SLC25A48: variants seen among roughly 807,000 people sequenced by gnomAD.
The protein encoded by SLC25A48 is CTC-321K16.1.
Under a neutral mutation model 32.2 loss-of-function variants are expected in SLC25A48, and 29 were observed. The observed-to-expected ratio is 0.90, with a 90% CI of 0.67 to 1.23. SLC25A48 has a LOEUF of 1.23. Ranked by LOEUF, SLC25A48 falls within the 50% of genes most tolerant of loss-of-function variation. SLC25A48 has a pLI of 0.00. For synonymous variants in SLC25A48, 164 were observed against 172.3 expected, an observed-to-expected ratio of 0.95 and a Z score of 0.38; for missense variants, 399 against 422.7, an observed-to-expected ratio of 0.94 and a Z score of 0.49.
chr5:135,612,903 A>G (rs982346680), intron 1 of SLC25A48, among the ~76,000 whole-genome samples: 12 of 152,180 alleles, frequency 7.9e-5, no homozygotes, highest in African/African-American at 2.9e-4. Context: ...TATCCCTTTG[A>G]TATACTGATT....
At chr5:135,792,207 T>C (rs1757048865) in intron 3 of SLC25A48, among the ~76,000 whole-genome samples, 1 of 151,866 alleles carries the variant, frequency 6.6e-6, no homozygotes, top group Admixed American at 6.6e-5. Context: ...CGTTATGTTA[T>C]TCCTAATAAC....
intron 3 of SLC25A48, among the ~76,000 whole-genome samples, chr5:135,643,740 C>T (rs753544978): frequency 9.9e-5 from 15 of 152,166 alleles, no homozygotes; most frequent in Non-Finnish European, 2.1e-4. Flanking sequence ...TAGTGAGCAG[C>T]GACCCCGTTA....
intron 4 of SLC25A48, among the ~76,000 whole-genome samples, chr5:135,868,748 T>G (rs144539080): frequency 0.014 from 2,134 of 152,114 alleles, 44 homozygotes; most frequent in African/African-American, 0.048. Context: ...AAGGATAAGT[T>G]TGGGTCTTGT....
At chr5:135,838,860 C>T (rs1758760158) in intron 1 of SLC25A48, among the ~76,000 whole-genome samples, 1 of 152,208 alleles carries the variant, frequency 6.6e-6, no homozygotes, top group South Asian at 2.1e-4. Flanking sequence ...GGGGTGGGGC[C>T]CTCATGGAGA....
At chr5:135,657,920 C>T (rs1171802830) in intron 3 of SLC25A48, among the ~76,000 whole-genome samples, 1 of 152,188 alleles carries the variant, frequency 6.6e-6, no homozygotes, top group African/African-American at 2.4e-5. Context: ...AAATCTGCCC[C>T]TATAATCTAA....
chr5:135,742,409 G>A (rs952732711), intron 3 of SLC25A48: 9 of 1,349,404 alleles, frequency 6.7e-6, no homozygotes, highest in African/African-American at 3.0e-5. Flanking sequence ...TAGCCATCAC[G>A]ACCCTCAGAT....
At chr5:135,753,952 C>T (rs548926143) in intron 3 of SLC25A48, among the ~76,000 whole-genome samples, 4 of 152,042 alleles carry the variant, frequency 2.6e-5, no homozygotes, top group African/African-American at 4.8e-5. Flanking sequence ...GTGACTTTAG[C>T]AGTCATATTT....
chr5:135,730,156 A>ATG (rs1218538725), intron 3 of SLC25A48, among the ~76,000 whole-genome samples: 2 of 152,296 alleles, frequency 1.3e-5, no homozygotes, highest in African/African-American at 4.8e-5. Flanking sequence ...CTTTTTCTTT[A>ATG]TGACTATTCT....
intron 2 of SLC25A48, among the ~76,000 whole-genome samples, chr5:135,634,175 G>C (rs1020554979): frequency 8.5e-5 from 13 of 152,230 alleles, no homozygotes; most frequent in African/African-American, 1.2e-4. Context: ...GGGGTGCTGT[G>C]TGTGCTTGGC....
At chr5:135,606,609 G>A (rs548898045) in intron 1 of SLC25A48, among the ~76,000 whole-genome samples, 27 of 152,258 alleles carry the variant, frequency 1.8e-4, no homozygotes, top group South Asian at 1.7e-3. Flanking sequence ...CCTGTCTAAT[G>A]AGTGGCAGAC....
rs77355080 is a variant in SLC25A48, at chr5:135,857,098, G to A, written c.421+4277G>A. ...CTGTTGGGGGCCCTCACCCAGCTGG[G>A]ACGCCAAGGGAGGTGTTTCCCAATA... On this transcript the variant is annotated intron_variant, in intron 4 of 7. Transcript: ENST00000681962. 4.1e-4 allele frequency among the ~76,000 whole-genome samples: 63 copies of A among 152,348 alleles called. 1 individual carries two copies. In the East Asian group the frequency reaches 0.01, roughly 25 times the overall value.
Position 135,689,498 on chromosome 5 carries a change from C to G in SLC25A48, c.-521+54542C>G, listed in dbSNP as rs534694097. 2.1e-3 allele frequency among the ~76,000 whole-genome samples: 316 copies of G among 152,250 alleles called. 1 individual carries two copies. The highest frequency in any genetic ancestry group is 7.2e-3 in the African/African-American group (300 of 41,546). ...AAGTGTCTAAAGTAAAAGAAAGGGCCTTGAGAGCTGAAGAGCTGGATGTGC... is the reference window on the plus strand; with the variant it reads ...AAGTGTCTAAAGTAAAAGAAAGGGCGTTGAGAGCTGAAGAGCTGGATGTGC... On this transcript the variant is annotated intron_variant, in intron 3 of 10. Transcript: ENST00000646290.
intron 1 of SLC25A48, among the ~76,000 whole-genome samples, chr5:135,591,586 A>T (rs896614699): frequency 6.6e-6 from 1 of 152,220 alleles, no homozygotes; most frequent in Non-Finnish European, 1.5e-5. Context: ...CGCTTGCTCC[A>T]GCCTACGCAG....
chr5:135,769,001 G>A (rs1756325238), intron 3 of SLC25A48, among the ~76,000 whole-genome samples: 1 of 151,336 alleles, frequency 6.6e-6, no homozygotes, highest in African/African-American at 2.4e-5. Context: ...TATTTCAGGG[G>A]GTGTACACAC....
upstream of SLC25A48, among the ~76,000 whole-genome samples, chr5:135,834,004 C>T (rs1758310709): frequency 6.6e-6 from 1 of 152,214 alleles, no homozygotes; most frequent in Admixed American, 6.5e-5. Flanking sequence ...CTGCTGGAAA[C>T]TAGCAGAACG....
chr5:135,705,353 G>T (rs910885104), intron 3 of SLC25A48, among the ~76,000 whole-genome samples: 1 of 152,210 alleles, frequency 6.6e-6, no homozygotes. Context: ...GTGAGGCTTT[G>T]GGCATGTTCT....
chr5:135,615,316 A>G lies in SLC25A48; in HGVS notation c.-848-13921A>G, dbSNP rs375966563. On this transcript the variant is annotated intron_variant, in intron 1 of 10. Transcript: ENST00000646290. ...ACAAAATGCTGATAGTGATATGGAC[A>G]GTGAACACCGGGCTGATTAGGTCTC... 1.8e-4 allele frequency among the ~76,000 whole-genome samples: 28 copies of G among 152,342 alleles called. 1 individual carries two copies. The highest frequency in any genetic ancestry group is 6.3e-4 in the African/African-American group (26 of 41,568).
chr5:135,699,693 A>G (rs1354495624), intron 3 of SLC25A48, among the ~76,000 whole-genome samples: 1 of 152,236 alleles, frequency 6.6e-6, no homozygotes, highest in East Asian at 1.9e-4. Context: ...AACAATGGTA[A>G]TAGCCAGCAT....
At chr5:135,650,517 G>T (rs916619498) in intron 3 of SLC25A48, 31 of 437,240 alleles carry the variant, frequency 7.1e-5, no homozygotes, top group Admixed American at 3.9e-4. Context: ...CAGGACAAGG[G>T]ATGACCCTGA....
Sources: gnomAD v4.1 joint callset for allele counts (sites outside exome capture counted in the v4.1 genomes callset) on GRCh38, gnomAD v4.1.1 for gene constraint, MANE v1.5 for transcripts, NCBI Gene and HGNC (gene_info 2026-07-23, HGNC 2026-07-21) for gene names.